USP48: variants seen among roughly 807,000 people sequenced by gnomAD.
USP48 encodes the protein ubiquitin specific peptidase 48.
Under a neutral mutation model 150.7 loss-of-function variants are expected in USP48, and 43 were observed. The ratio of observed to expected loss-of-function variants is 0.29; its 90% CI spans 0.22 to 0.37. USP48 has a LOEUF of 0.37. Among genes scored for constraint, USP48 ranks in the 10% least tolerant of loss-of-function variants. The pLI, the probability that USP48 is intolerant of heterozygous loss-of-function variation, is 1.00. For missense variants in USP48, 813 were observed against 1,249.6 expected, an observed-to-expected ratio of 0.65 and a Z score of 5.27; for synonymous variants, 396 against 425.9, an observed-to-expected ratio of 0.93 and a Z score of 0.86.
At chr1:21,694,595 A>AAAAAAAAC (rs1557429093) in intron 23 of USP48, among the ~76,000 whole-genome samples, 1 of 123,560 alleles carries the variant, frequency 8.1e-6, no homozygotes, top group East Asian at 2.2e-4. Flanking sequence ...AAAAAAAAAA[A>AAAAAAAAC]AAAAAAAAAA....
In USP48 at chr1:21,723,884, A is replaced by G. The variant is rs1437557713; in HGVS notation, c.1648+14T>C. The G allele has an allele frequency of 6.2e-7, 1 of 1,605,296 alleles. No individual in the cohort carries two copies. The stretch of plus-strand genomic sequence containing the variant: ...AGCTGCTCTTTTTTAAACAGAGAGG[A>G]CATCTTGAATTACCAGTTAGTCTTG... On this transcript the variant is annotated intron_variant, in intron 12 of 26. Coordinates refer to ENST00000308271, the MANE Select transcript of USP48 (RefSeq NM_032236.8).
chr1:21,762,609 T>TCACGCG (rs2097852466), intron 1 of USP48, among the ~76,000 whole-genome samples: 2 of 152,200 alleles, frequency 1.3e-5, no homozygotes, highest in Non-Finnish European at 2.9e-5. Context: ...GGCTCACGCC[T>TCACGCG]GTAATCCCAG....
chr1:21,742,608 A>G (rs888607703), intron 8 of USP48, among the ~76,000 whole-genome samples: 11 of 150,374 alleles, frequency 7.3e-5, no homozygotes, highest in Non-Finnish European at 1.5e-4. Flanking sequence ...GAAAAAAAGA[A>G]AAAGAAAACT....
At position 21,686,439 on chromosome 1, in the gene USP48, G is replaced by A. The variant is rs1450782906; in HGVS notation, c.3058+752C>T. ...ATGCTTTTTCTTTGTCTATTAAGATGATCATATGATTTTTGTCCTTCATTC... is the reference window on the plus strand; with the variant it reads ...ATGCTTTTTCTTTGTCTATTAAGATAATCATATGATTTTTGTCCTTCATTC... On this transcript the variant is annotated intron_variant, in intron 25 of 26. Transcript: ENST00000308271. The A allele has an allele frequency of 2.0e-5, 3 of 152,174 alleles. No individual in the cohort carries two copies. The East Asian group carries it at 5.8e-4, about 29-fold the overall frequency. The allele number at this position is 152,174 out of a possible 1,614,324, so 9.4% of individuals were successfully genotyped here.
intron 1 of USP48, among the ~76,000 whole-genome samples, chr1:21,765,911 A>C (rs2097860974): frequency 3.2e-4 from 3 of 9,234 alleles, no homozygotes; most frequent in Non-Finnish European, 1.2e-3. Context: ...CAAAAAAAAA[A>C]AAAAAAAAAA....
chr1:21,740,246 T>G (rs2097778461), intron 8 of USP48, among the ~76,000 whole-genome samples: 2 of 152,354 alleles, frequency 1.3e-5, no homozygotes, highest in African/African-American at 2.4e-5. Context: ...TTGTTTCACA[T>G]AGCACAATGT....
intron 12 of USP48, among the ~76,000 whole-genome samples, chr1:21,723,018 C>T (rs1387913583): frequency 4.6e-5 from 7 of 152,092 alleles, no homozygotes; most frequent in African/African-American, 2.4e-5. Context: ...TTTCCTACAG[C>T]CTCATCTGAA....
intron 1 of USP48, among the ~76,000 whole-genome samples, chr1:21,768,063 C>T (rs1426605653): frequency 2.6e-5 from 4 of 151,960 alleles, no homozygotes; most frequent in Non-Finnish European, 5.9e-5. Context: ...AAAAAGTAGC[C>T]GGGCATGGTG....
chr1:21,707,343 T>C (rs2097675556), intron 15 of USP48, among the ~76,000 whole-genome samples: 1 of 152,218 alleles, frequency 6.6e-6, no homozygotes, highest in Non-Finnish European at 1.5e-5. Flanking sequence ...ATTAAAATAA[T>C]ATTTTGTAAG....
rs758344988 is a variant in USP48, at chr1:21,701,579, T to C, written c.2646A>G (p.Glu882=). The change falls in exon 22 of 27, where the codon GAA becomes GAG. Residue 882 remains glutamate, a synonymous_variant. Coordinates refer to ENST00000308271, the MANE Select transcript of USP48 (RefSeq NM_032236.8). ...NKKVMKDSAP[E]LNVSSSETEE... is the part of the protein sequence containing the mutation. The stretch of plus-strand genomic sequence containing the variant: ...CTGTTTCAGAACTACTCACATTCAG[T>C]TCCGGAGCCGAATCCTTCATCACCT... 1.2e-6 allele frequency: 2 copies of C among 1,613,740 alleles called. No homozygotes were observed. The highest frequency in any genetic ancestry group is 1.3e-5 in the African/African-American group (1 of 74,908).
At chr1:21,701,708 C>A in intron 21 of USP48, 106 bp from the exon 22 acceptor site, 1 of 780,846 alleles carries the variant, frequency 1.3e-6, no homozygotes, top group Non-Finnish European at 2.2e-6. Context: ...CGAGGAACAC[C>A]TTTATCATGG....
At chr1:21,758,609 G>A (rs1245923667) in intron 1 of USP48, among the ~76,000 whole-genome samples, 3 of 151,936 alleles carry the variant, frequency 2.0e-5, no homozygotes, top group East Asian at 3.9e-4. Flanking sequence ...AATTAGCCGG[G>A]CGTGGCGGTG....
intron 1 of USP48, among the ~76,000 whole-genome samples, chr1:21,766,522 T>C (rs546404124): frequency 6.6e-6 from 1 of 152,204 alleles, no homozygotes; most frequent in South Asian, 2.1e-4. Flanking sequence ...CAATGATCTG[T>C]CATTTAAGAG....
intron 25 of USP48, among the ~76,000 whole-genome samples, chr1:21,681,446 G>C (rs1424023219): frequency 6.6e-6 from 1 of 151,936 alleles, no homozygotes; most frequent in Non-Finnish European, 1.5e-5. Context: ...ATTTGTAGTA[G>C]AGACAGGGTT....
At chr1:21,737,292 G>GA (rs1298151360) in intron 8 of USP48, among the ~76,000 whole-genome samples, 1 of 151,588 alleles carries the variant, frequency 6.6e-6, no homozygotes, top group African/African-American at 2.4e-5. Flanking sequence ...ATTAAAGCTG[G>GA]AAAAAAATAA....
intron 2 of USP48, 105 bp downstream of exon 2, chr1:21,757,558 A>AGGTT (rs2097840052): frequency 7.8e-7 from 1 of 1,281,114 alleles, no homozygotes; most frequent in East Asian, 2.4e-5. Context: ...AAAGCTGCAC[A>AGGTT]GGTTACCTGA....
At chr1:21,752,171 A>G (rs890274470) in intron 5 of USP48, among the ~76,000 whole-genome samples, 4 of 152,170 alleles carry the variant, frequency 2.6e-5, no homozygotes, top group African/African-American at 7.2e-5. Flanking sequence ...TTTTAATGTA[A>G]CCATCACCCA....
chr1:21,689,859 C>T, intron 24 of USP48, 115 bp downstream of exon 24: 5 of 1,420,420 alleles, frequency 3.5e-6, no homozygotes, highest in Admixed American at 2.2e-5. Context: ...AGTCATTTAT[C>T]ACTACCCTCT....
intron 15 of USP48, among the ~76,000 whole-genome samples, chr1:21,709,506 T>C (rs537210425): frequency 9.3e-4 from 142 of 152,142 alleles, no homozygotes; most frequent in Non-Finnish European, 1.5e-3. Flanking sequence ...ATAAAAAAGA[T>C]TAAGGTAGAT....
Sources: allele counts gnomAD v4.1 joint callset (sites outside exome capture counted in the v4.1 genomes callset), GRCh38; gene constraint gnomAD v4.1.1; transcripts MANE v1.5; gene names NCBI Gene and HGNC (gene_info 2026-07-23, HGNC 2026-07-21).